Variants in ATXN1 observed in about 807,000 individuals in gnomAD.
ATXN1 encodes the protein ataxin-1.
In ATXN1, 8 loss-of-function variants were observed where a neutral mutation model predicts 56.4. The observed-to-expected ratio is 0.14, with a 90% CI of 0.08 to 0.26. ATXN1 has a LOEUF of 0.26. Ranked by LOEUF, ATXN1 falls within the 10% of genes least tolerant of loss-of-function variation. The probability of loss-of-function intolerance (pLI) is 1.00; values close to 1 mark genes in which losing one functional copy is unlikely to be tolerated. For missense variants in ATXN1, 987 were observed against 1,106.5 expected, an observed-to-expected ratio of 0.89 and a Z score of 1.53; for synonymous variants, 514 against 494.6, an observed-to-expected ratio of 1.04 and a Z score of -0.52.
At chr6:16,623,370 T>C (rs1354444667) in intron 3 of ATXN1, among the ~76,000 whole-genome samples, 4 of 152,124 alleles carry the variant, frequency 2.6e-5, no homozygotes, top group Non-Finnish European at 2.9e-5. Flanking sequence ...TGGACCAAAA[T>C]ATTCATTACT....
rs369782015 is a variant in ATXN1, at chr6:16,327,031, G to A, written c.1280C>T (p.Ala427Val). ...HLGKPGHRSY[A>V]LSPHTVIQTT... is the part of the protein sequence containing the mutation. The stretch of plus-strand genomic sequence containing the variant: ...CTGAATGACCGTGTGGGGTGAGAGC[G>A]CGTAGGACCGGTGGCCAGGCTTCCC... Residue 427 changes from alanine (A) to valine (V), a missense_variant, in exon 7 of 8, where the codon GCG becomes GTG. By Grantham distance (64) the Ala-to-Val change is moderately conservative. Coordinates refer to ENST00000436367, the MANE Select transcript of ATXN1 (RefSeq NM_001128164.2). 69 of 1,614,132 alleles carry A rather than the reference G, an allele frequency of 4.3e-5. No individual in the cohort carries two copies. The highest frequency in any genetic ancestry group is 1.3e-4 in the East Asian group (6 of 44,882).
chr6:16,542,581 T>C (rs369333237), intron 4 of ATXN1, among the ~76,000 whole-genome samples: 56 of 152,288 alleles, frequency 3.7e-4, no homozygotes, highest in African/African-American at 1.3e-3. Context: ...CATTCCCAAC[T>C]ACTTGGGAGC....
At chr6:16,529,875 G>T (rs561359423) in intron 4 of ATXN1, among the ~76,000 whole-genome samples, 2 of 152,160 alleles carry the variant, frequency 1.3e-5, no homozygotes, top group Admixed American at 1.3e-4. Flanking sequence ...AGCTCTGATA[G>T]CCTGGATTTT....
chr6:16,420,642 C>T (rs1035564982), intron 6 of ATXN1, among the ~76,000 whole-genome samples: 2 of 152,210 alleles, frequency 1.3e-5, no homozygotes, highest in African/African-American at 4.8e-5. Flanking sequence ...TTTGTATTCA[C>T]TGTGACAACT....
intron 3 of ATXN1, among the ~76,000 whole-genome samples, chr6:16,591,294 T>C (rs140588886): frequency 1.8e-3 from 279 of 152,258 alleles, no homozygotes; most frequent in Non-Finnish European, 3.3e-3. Context: ...TTAAACTCCT[T>C]TTAAATTGAA....
In ATXN1 at chr6:16,326,206, A is replaced by G. The variant is rs965839468; in HGVS notation, c.1917+188T>C. 3.3e-5 allele frequency among the ~76,000 whole-genome samples: 5 copies of G among 152,226 alleles called. No homozygotes were observed. Among genetic ancestry groups the G allele is most frequent in the African/African-American group, 4.8e-5 (2 of 41,466 alleles). Reference sequence around the variant, plus strand: ...ATGCATGGAGGTTAATTCATTACACACAGCAGAGATCACGGGGAAATGGGG... The same window carrying G: ...ATGCATGGAGGTTAATTCATTACACGCAGCAGAGATCACGGGGAAATGGGG... On this transcript the variant is annotated intron_variant, in intron 7 of 7. Transcript: ENST00000436367. This position sits in a 1 kb window ranked among gnomAD's most constrained non-coding sequence, Gnocchi z 6.6.
chr6:16,488,946 G>A (rs975953932), intron 5 of ATXN1, among the ~76,000 whole-genome samples: 1 of 151,944 alleles, frequency 6.6e-6, no homozygotes, highest in Non-Finnish European at 1.5e-5. Context: ...TCTTGCCATC[G>A]GACCTGGGAA....
chr6:16,341,485 G>T (rs1337858736), intron 6 of ATXN1, among the ~76,000 whole-genome samples: 2 of 150,824 alleles, frequency 1.3e-5, no homozygotes, highest in African/African-American at 4.9e-5. Context: ...CTAATTTGCA[G>T]CCAGAGGTGA....
chr6:16,708,250 T>C (rs897428585), intron 2 of ATXN1, among the ~76,000 whole-genome samples: 2 of 151,986 alleles, frequency 1.3e-5, no homozygotes, highest in East Asian at 3.9e-4. Flanking sequence ...GAACAACCAA[T>C]AAAGATGATT....
intron 2 of ATXN1, among the ~76,000 whole-genome samples, chr6:16,720,449 T>C (rs1759723941): frequency 6.6e-6 from 1 of 152,220 alleles, no homozygotes; most frequent in South Asian, 2.1e-4. Context: ...CCATGTCTGG[T>C]GCAGAAAAGA....
intron 1 of ATXN1, among the ~76,000 whole-genome samples, chr6:16,755,463 T>C (rs1581427099): frequency 6.6e-6 from 1 of 152,044 alleles, no homozygotes; most frequent in African/African-American, 2.4e-5. Flanking sequence ...ACTATTAATA[T>C]TGGAAGATTA....
At chr6:16,440,204 C>A (rs1206257302) in intron 6 of ATXN1, among the ~76,000 whole-genome samples, 3 of 151,364 alleles carry the variant, frequency 2.0e-5, no homozygotes, top group Non-Finnish European at 4.4e-5. Flanking sequence ...ATGGCAAAAC[C>A]CCATCTCTAC....
intron 4 of ATXN1, among the ~76,000 whole-genome samples, chr6:16,573,100 T>C (rs371575850): frequency 6.6e-6 from 1 of 152,192 alleles, no homozygotes; most frequent in South Asian, 2.1e-4. Flanking sequence ...CAGGGACTCC[T>C]TAAGTAGGCT....
chr6:16,558,300 CAAA>C (rs34684208), intron 4 of ATXN1, among the ~76,000 whole-genome samples: 40,182 of 94,876 alleles, frequency 0.42, 6,590 homozygotes, highest in East Asian at 0.66. Context: ...GATCCTGTGT[CAAA>C]AAAAAAAAAA....
At chr6:16,345,183 T>G (rs1761350254) in intron 6 of ATXN1, among the ~76,000 whole-genome samples, 1 of 152,190 alleles carries the variant, frequency 6.6e-6, no homozygotes, top group Non-Finnish European at 1.5e-5. Flanking sequence ...AATAATGTTG[T>G]GGTATCTGCA....
chr6:16,373,795 T>C (rs1399478738), intron 6 of ATXN1, among the ~76,000 whole-genome samples: 1 of 152,126 alleles, frequency 6.6e-6, no homozygotes, highest in Non-Finnish European at 1.5e-5. Context: ...GAACTGTGAG[T>C]CCATTAAACC....
intron 6 of ATXN1, among the ~76,000 whole-genome samples, chr6:16,401,464 G>T (rs995055006): frequency 1.3e-5 from 2 of 152,160 alleles, no homozygotes; most frequent in Non-Finnish European, 2.9e-5. Flanking sequence ...AAAAATAGCT[G>T]GGTGTGGTAC....
chr6:16,719,323 T>C (rs1759700943), intron 2 of ATXN1, among the ~76,000 whole-genome samples: 1 of 152,228 alleles, frequency 6.6e-6, no homozygotes, highest in South Asian at 2.1e-4. Flanking sequence ...CTTTATTTCA[T>C]TTGTGCAAAT....
Position 16,760,223 on chromosome 6 carries a change from G to A in ATXN1, c.-730+1075C>T, listed in dbSNP as rs1049488287. Among the ~76,000 whole-genome samples the A allele has an allele frequency of 9.9e-5, 15 of 151,926 alleles. No individual in the cohort carries two copies. Among genetic ancestry groups the A allele is most frequent in the African/African-American group, 2.9e-4 (12 of 41,468 alleles). On this transcript the variant is annotated intron_variant, in intron 1 of 7. Coordinates refer to ENST00000436367, the MANE Select transcript of ATXN1 (RefSeq NM_001128164.2). This position sits in a 1 kb window ranked among gnomAD's most constrained non-coding sequence, Gnocchi z 5.3. The stretch of plus-strand genomic sequence containing the variant: ...GGCTCCAGGGCGCATCCCAATCCCC[G>A]CAGCGCCTCCTCCGCGGCGGCCGCC...
Sources: gnomAD v4.1 joint callset for allele counts (sites outside exome capture counted in the v4.1 genomes callset) on GRCh38, gnomAD v4.1.1 for gene constraint, Gnocchi (gnomAD v3.1) non-coding constraint, MANE v1.5 for transcripts, NCBI Gene and HGNC (gene_info 2026-07-23, HGNC 2026-07-21) for gene names.